NAP1L1: variants seen among roughly 807,000 people sequenced by gnomAD.
NAP1L1 encodes the protein nucleosome assembly protein 1 like 1.
A neutral mutation model predicts 58.9 loss-of-function variants in NAP1L1; 9 were observed. The observed-to-expected ratio is 0.15, with a 90% confidence interval of 0.09 to 0.27. The LOEUF is 0.27. NAP1L1 is among the 10% of genes least tolerant of loss of function. NAP1L1 has a pLI of 1.00. For missense variants in NAP1L1, 302 were observed against 458.8 expected, an observed-to-expected ratio of 0.66 and a Z score of 3.12; for synonymous variants, 130 against 138.3, an observed-to-expected ratio of 0.94 and a Z score of 0.42.
intron 1 of NAP1L1, among the ~76,000 whole-genome samples, chr12:76,079,815 C>A (rs536240651): frequency 5.9e-4 from 89 of 152,056 alleles, no homozygotes; most frequent in African/African-American, 2.1e-3. Context: ...TCCTGAGTAG[C>A]TGGGACTACA....
chr12:76,066,641 A>C (rs1949688376), intron 4 of NAP1L1, among the ~76,000 whole-genome samples: 1 of 152,120 alleles, frequency 6.6e-6, no homozygotes, highest in African/African-American at 2.4e-5. Flanking sequence ...AAAAACAAAA[A>C]CACTATGAAG....
intron 1 of NAP1L1, among the ~76,000 whole-genome samples, chr12:76,077,616 T>C (rs1165919490): frequency 6.6e-6 from 1 of 152,154 alleles, no homozygotes; most frequent in African/African-American, 2.4e-5. Flanking sequence ...ATACATTAAA[T>C]TGCATTCCAA....
Position 76,047,157 on chromosome 12 carries a change from T to C in NAP1L1, c.*1272A>G, listed in dbSNP as rs1462537911. The C allele has an allele frequency of 6.6e-6, 1 of 152,448 alleles. No homozygotes were observed. Among genetic ancestry groups the C allele is most frequent in the African/African-American group, 2.4e-5 (1 of 41,430 alleles). The allele number at this position is 152,448 out of a possible 1,614,324, so 9.4% of individuals were successfully genotyped here. A position where few individuals can be genotyped will look rare whatever the true frequency, so the allele number is the denominator to read the frequency against. ...GGCATTACAAATAGGCCCAAAATTT[T>C]GAGCTTTTAACAAGATTGAGAAACA... On this transcript the variant is annotated 3_prime_UTR_variant, in exon 15 of 15. Transcript: ENST00000618691.
rs1363925075 is a variant in NAP1L1, at chr12:76,040,335, T to C, written c.*8094A>G. ...CCTTCCCTTGACTTTAAAAAACAACTAAGTTGACTCTTGAATATCAAATTT... is the reference window on the plus strand; with the variant it reads ...CCTTCCCTTGACTTTAAAAAACAACCAAGTTGACTCTTGAATATCAAATTT... On this transcript the variant is annotated 3_prime_UTR_variant, in exon 15 of 15. Transcript: ENST00000618691. 6.6e-6 allele frequency: 1 copy of C among 152,132 alleles called. No homozygotes were observed. Among genetic ancestry groups the C allele is most frequent in the Non-Finnish European group, 1.5e-5 (1 of 68,030 alleles). 9.4% of individuals were successfully genotyped at this position (152,132 alleles called of 1,614,324 possible).
At chr12:76,062,452 C>A (rs189065539) in intron 4 of NAP1L1, among the ~76,000 whole-genome samples, 31 of 152,166 alleles carry the variant, frequency 2.0e-4, no homozygotes, top group Non-Finnish European at 3.8e-4. Context: ...TTCAAGGGTA[C>A]AATTTCTATG....
intron 6 of NAP1L1, chr12:76,057,201 G>C (rs914219105): frequency 4.8e-6 from 1 of 209,564 alleles, no homozygotes; most frequent in Non-Finnish European, 9.7e-6. Context: ...GCTGAGGTGG[G>C]AGAATAGCTT....
intron 4 of NAP1L1, among the ~76,000 whole-genome samples, chr12:76,062,612 T>C (rs1949468701): frequency 6.6e-6 from 1 of 151,952 alleles, no homozygotes; most frequent in Admixed American, 6.6e-5. Flanking sequence ...AAAAATACAA[T>C]AACTAAAATA....
chr12:76,078,893 G>A (rs150218366), intron 1 of NAP1L1, among the ~76,000 whole-genome samples: 12 of 152,114 alleles, frequency 7.9e-5, no homozygotes, highest in African/African-American at 1.2e-4. Context: ...AAGTTAATAC[G>A]CAATAATTTT....
intron 2 of NAP1L1, among the ~76,000 whole-genome samples, chr12:76,072,853 G>A (rs11180819): frequency 0.012 from 1,845 of 152,206 alleles, 32 homozygotes; most frequent in African/African-American, 0.042. Context: ...TAGAATAGTC[G>A]TTTTCAGTCA....
chr12:76,050,155 C>A (rs1187056164), intron 12 of NAP1L1, among the ~76,000 whole-genome samples: 3 of 152,150 alleles, frequency 2.0e-5, no homozygotes, highest in Admixed American at 2.0e-4. Flanking sequence ...TAATCTTAAC[C>A]TAACCATCAT....
rs1948572946 is a variant in NAP1L1, at chr12:76,043,762, C to T, written c.*4667G>A. On this transcript the variant is annotated 3_prime_UTR_variant, in exon 15 of 15. Transcript: ENST00000618691. Reference sequence around the variant, plus strand: ...GGTTCTTCCTCTCACTTCACAAATTCCTACAGATTCTCAAAATCTCAGCTA... The same window carrying T: ...GGTTCTTCCTCTCACTTCACAAATTTCTACAGATTCTCAAAATCTCAGCTA... 1 of 152,268 alleles carries T rather than the reference C, an allele frequency of 6.6e-6. No individual in the cohort carries two copies. Among genetic ancestry groups the T allele is most frequent in the African/African-American group, 2.4e-5 (1 of 41,540 alleles). 9.4% of individuals were successfully genotyped at this position (152,268 alleles called of 1,614,324 possible).
At chr12:76,065,324 A>T (rs879001117) in intron 4 of NAP1L1, among the ~76,000 whole-genome samples, 4 of 152,100 alleles carry the variant, frequency 2.6e-5, no homozygotes, top group African/African-American at 9.7e-5. Context: ...CATTCCCAGT[A>T]TGAATAGAAA....
intron 14 of NAP1L1, 82 bp from the exon 15 acceptor site, chr12:76,048,546 A>T (rs867751823): frequency 1.4e-6 from 2 of 1,380,390 alleles, no homozygotes; most frequent in African/African-American, 2.8e-5. Flanking sequence ...TGCCTTAATT[A>T]TAACAGTAGC....
At position 76,043,688 on chromosome 12, in the gene NAP1L1, T is replaced by C. The variant is rs1396412843; in HGVS notation, c.*4741A>G. On this transcript the variant is annotated 3_prime_UTR_variant, in exon 15 of 15. Coordinates refer to ENST00000618691, the MANE Select transcript of NAP1L1 (RefSeq NM_004537.7). ...CCTCAATTGTTCTGTTCTGGGACCT[T>C]TGCCTGTATTTCCTCCTGTTCCTCC... is the stretch of plus-strand genomic sequence containing the variant. The C allele has an allele frequency of 6.6e-6, 1 of 152,040 alleles. No homozygotes were observed. Among genetic ancestry groups the C allele is most frequent in the Non-Finnish European group, 1.5e-5 (1 of 68,018 alleles). The allele number at this position is 152,040 out of a possible 1,614,324, so 9.4% of individuals were successfully genotyped here.
At chr12:76,068,688 A>AACAATG (rs1949796366) in intron 3 of NAP1L1, 2 of 440,246 alleles carry the variant, frequency 4.5e-6, no homozygotes, top group Middle Eastern at 5.7e-4. Context: ...GCAGGATGCA[A>AACAATG]ACAATGACTT....
chr12:76,059,212 G>A (rs1420142365), intron 6 of NAP1L1, among the ~76,000 whole-genome samples: 1 of 152,218 alleles, frequency 6.6e-6, no homozygotes, highest in East Asian at 1.9e-4. Context: ...GATGTGGTAT[G>A]CATATGTTTA....
intron 2 of NAP1L1, among the ~76,000 whole-genome samples, chr12:76,071,373 T>C (rs970242049): frequency 2.6e-5 from 4 of 152,198 alleles, no homozygotes; most frequent in African/African-American, 9.6e-5. Flanking sequence ...CTTTTTAAAG[T>C]TTAAAATGAG....
rs1298678670 is a variant in NAP1L1, at chr12:76,042,574, T to A, written c.*5855A>T. On this transcript the variant is annotated 3_prime_UTR_variant, in exon 15 of 15. Transcript: ENST00000618691. The stretch of plus-strand genomic sequence containing the variant: ...AACCTCATCTACTTTCCTAGTTGGA[T>A]CAACTGATTCCACTTATTTGAAAAT... 6.6e-6 allele frequency: 1 copy of A among 152,262 alleles called. No individual in the cohort carries two copies. Among genetic ancestry groups the A allele is most frequent in the Admixed American group, 6.5e-5 (1 of 15,286 alleles). The allele number at this position is 152,262 out of a possible 1,614,324, so 9.4% of individuals were successfully genotyped here.
chr12:76,074,112 T>G, intron 2 of NAP1L1, 91 bp downstream of exon 2: 1 of 1,135,652 alleles, frequency 8.8e-7, no homozygotes, highest in Non-Finnish European at 1.3e-6. Context: ...AACTACATTT[T>G]CATAATATAT....
Sources: allele counts gnomAD v4.1 joint callset (sites outside exome capture counted in the v4.1 genomes callset), GRCh38; gene constraint gnomAD v4.1.1; transcripts MANE v1.5; gene names NCBI Gene and HGNC (gene_info 2026-07-23, HGNC 2026-07-21).